Variants in PCDHGB5 observed in about 807,000 individuals in gnomAD.
PCDHGB5 encodes protocadherin gamma subfamily B, 5.
In PCDHGB5, 48 loss-of-function variants were observed where a neutral mutation model predicts 62.9. The observed-to-expected ratio is 0.76, with a 90% CI of 0.61 to 0.97. PCDHGB5 has a LOEUF of 0.97. Ranked by LOEUF, PCDHGB5 falls within the 50% of genes least tolerant of loss-of-function variation. The probability of loss-of-function intolerance (pLI) is 0.00; values close to 1 mark genes in which losing one functional copy is unlikely to be tolerated. For synonymous variants in PCDHGB5, 474 were observed against 511.2 expected, an observed-to-expected ratio of 0.93 and a Z score of 0.98; for missense variants, 1,118 against 1,198.6, an observed-to-expected ratio of 0.93 and a Z score of 0.99.
intron 1 of PCDHGB5, chr5:141,411,407 A>G (rs2154543610): frequency 6.6e-6 from 1 of 151,868 alleles, no homozygotes; most frequent in East Asian, 1.9e-4. Context: ...CCCCATCTCT[A>G]CTAAAACAAC....
intron 2 of PCDHGB5, among the ~76,000 whole-genome samples, chr5:141,500,901 G>A (rs984072329): frequency 7.6e-5 from 11 of 144,582 alleles, no homozygotes; most frequent in African/African-American, 2.6e-4. Flanking sequence ...AGACAGTCTC[G>A]CTCTGTCTCC....
intron 1 of PCDHGB5, among the ~76,000 whole-genome samples, chr5:141,458,275 G>A (rs975142859): frequency 2.6e-5 from 4 of 152,142 alleles, no homozygotes; most frequent in Non-Finnish European, 5.9e-5. Flanking sequence ...GAACAACAGG[G>A]TTCCTGGTCC....
At chr5:141,409,840 G>A (rs1361942011) in intron 1 of PCDHGB5, 3 of 1,611,558 alleles carry the variant, frequency 1.9e-6, no homozygotes, top group African/African-American at 1.3e-5. Flanking sequence ...GCGCCAACGT[G>A]AGCCTGCGCG....
At chr5:141,481,024 C>CTGGA (rs1200299352) in intron 1 of PCDHGB5, among the ~76,000 whole-genome samples, 3 of 152,122 alleles carry the variant, frequency 2.0e-5, no homozygotes, top group Admixed American at 1.3e-4. Flanking sequence ...CACCACTGCA[C>CTGGA]TCCAGCCTGG....
In PCDHGB5 at chr5:141,485,818, C is replaced by T; in HGVS notation, c.2398-8989C>T. 6 of 1,613,912 alleles carry T rather than the reference C, an allele frequency of 3.7e-6. No homozygotes were observed. The highest frequency in any genetic ancestry group is 5.1e-6 in the Non-Finnish European group (6 of 1,179,974). On this transcript the variant is annotated intron_variant, in intron 1 of 3. Transcript: ENST00000617380. This position sits in a 1 kb window ranked among gnomAD's most constrained non-coding sequence, Gnocchi z 5.7. ...ACTACCGCCTGGTGCTGACTGCTGTCGATGGAGGGAACCCGCCGAGATCTG... is the reference window on the plus strand; with the variant it reads ...ACTACCGCCTGGTGCTGACTGCTGTTGATGGAGGGAACCCGCCGAGATCTG...
At chr5:141,428,174 G>A (rs962782246) in intron 1 of PCDHGB5, 3 of 1,515,246 alleles carry the variant, frequency 2.0e-6, no homozygotes, top group Non-Finnish European at 2.7e-6. Context: ...TGTGCGTGAC[G>A]GAGGACAGCC....
At chr5:141,414,888 C>T (rs1452402953) in intron 1 of PCDHGB5, 2 of 1,614,210 alleles carry the variant, frequency 1.2e-6, no homozygotes, top group Non-Finnish European at 1.7e-6. Flanking sequence ...ACCCCGCCCT[C>T]CCCACAGACG....
intron 1 of PCDHGB5, among the ~76,000 whole-genome samples, chr5:141,449,041 C>T (rs998143732): frequency 3.3e-5 from 5 of 152,126 alleles, no homozygotes; most frequent in Admixed American, 3.3e-4. Flanking sequence ...GATTATTAAC[C>T]AGTCTCATAA....
In PCDHGB5 at chr5:141,511,296, A is replaced by C; in HGVS notation, c.*123A>C. 1 of 1,505,968 alleles carries C rather than the reference A, an allele frequency of 6.6e-7. No individual in the cohort carries two copies. The allele number at this position is 1,505,968 out of a possible 1,614,324, so 93.3% of individuals were successfully genotyped here. On this transcript the variant is annotated 3_prime_UTR_variant, in exon 4 of 4. Coordinates refer to ENST00000617380, the MANE Select transcript of PCDHGB5 (RefSeq NM_018925.3). ...CAGAATACTGGTAGGGGCCAAGGCCATGCTCCCCTTGGGAAACAGAAACAA... is the reference window on the plus strand; with the variant it reads ...CAGAATACTGGTAGGGGCCAAGGCCCTGCTCCCCTTGGGAAACAGAAACAA...
Position 141,409,135 on chromosome 5 carries a change from T to C in PCDHGB5, c.2397+8611T>C, listed in dbSNP as rs748247175. 3.1e-6 allele frequency: 5 copies of C among 1,614,026 alleles called. No homozygotes were observed. In the South Asian group the frequency reaches 3.3e-5, roughly 11 times the overall value. On this transcript the variant is annotated intron_variant, in intron 1 of 3. Coordinates refer to ENST00000617380, the MANE Select transcript of PCDHGB5 (RefSeq NM_018925.3). ...ATAACCAGTCATTTGATTTTGAAGA[T>C]GTAGAAAGGTACACCATGGAAGTGG...
In PCDHGB5 at chr5:141,503,243, C is replaced by T. The variant is rs146741382; in HGVS notation, c.2457-2150C>T. Among the ~76,000 whole-genome samples the T allele has an allele frequency of 3.1e-4, 47 of 152,198 alleles. No individual in the cohort carries two copies. The East Asian group carries it at 8.9e-3, about 29-fold the overall frequency. ...CACCGTAAAGATGGACAGTTTCTAT[C>T]ATACTCACAGCCACAACCCCAGCAC... On this transcript the variant is annotated intron_variant, in intron 2 of 3. Coordinates refer to ENST00000617380, the MANE Select transcript of PCDHGB5 (RefSeq NM_018925.3).
chr5:141,421,379 AGGACCTGGGGCT>A, intron 1 of PCDHGB5: 1 of 1,614,054 alleles, frequency 6.2e-7, no homozygotes, highest in South Asian at 1.1e-5. Context: ...AATATCTCCA[AGGACCTGGGGCT>A]GGAGCCCCGG....
intron 1 of PCDHGB5, chr5:141,411,352 C>T (rs1002274073): frequency 2.6e-5 from 4 of 152,176 alleles, no homozygotes; most frequent in African/African-American, 9.7e-5. Flanking sequence ...GAAAGTATCA[C>T]TTGAGCCCAA....
At chr5:141,469,233 C>T (rs2099194657) in intron 1 of PCDHGB5, among the ~76,000 whole-genome samples, 1 of 149,878 alleles carries the variant, frequency 6.7e-6, no homozygotes, top group African/African-American at 2.5e-5. Context: ...GCCATGATCA[C>T]CCCACTGCAC....
chr5:141,433,256 C>T, intron 1 of PCDHGB5: 2 of 1,385,666 alleles, frequency 1.4e-6, no homozygotes, highest in Non-Finnish European at 2.0e-6. Context: ...TGCAGCGGTA[C>T]GATCATAGCT....
intron 1 of PCDHGB5, chr5:141,426,985 A>G (rs534298238): frequency 7.7e-5 from 35 of 456,646 alleles, no homozygotes; most frequent in Non-Finnish European, 1.3e-4. Context: ...ACTGATGCCA[A>G]CGATAATGCC....
In PCDHGB5 at chr5:141,476,040, G is replaced by A; in HGVS notation, c.2398-18767G>A. 2.0e-6 allele frequency: 3 copies of A among 1,488,704 alleles called. No individual in the cohort carries two copies. Among genetic ancestry groups the A allele is most frequent in the Admixed American group, 2.2e-5 (1 of 44,984 alleles). 92.2% of individuals were successfully genotyped at this position (1,488,704 alleles called of 1,614,324 possible). On this transcript the variant is annotated intron_variant, in intron 1 of 3. Coordinates refer to ENST00000617380, the MANE Select transcript of PCDHGB5 (RefSeq NM_018925.3). The surrounding 1 kb of genome is among the most constrained non-coding windows in gnomAD (Gnocchi z 7.6). The stretch of plus-strand genomic sequence containing the variant: ...CGGACTCGGCGCCCAGCGCCCAAGC[G>A]CTAACCCGCTGAAAGTTTCTCAGCG...
Position 141,489,730 on chromosome 5 carries a change from A to G in PCDHGB5, c.2398-5077A>G. The stretch of plus-strand genomic sequence containing the variant: ...CAGTGCCCAGGATCCGGATGTGGGC[A>G]CCAATACTGTGAGCTTTTACACTCT... On this transcript the variant is annotated intron_variant, in intron 1 of 3. Coordinates refer to ENST00000617380, the MANE Select transcript of PCDHGB5 (RefSeq NM_018925.3). This position sits in a 1 kb window ranked among gnomAD's most constrained non-coding sequence, Gnocchi z 4.5. 6.2e-7 allele frequency: 1 copy of G among 1,614,182 alleles called. No homozygotes were observed. Among genetic ancestry groups the G allele is most frequent in the Non-Finnish European group, 8.5e-7 (1 of 1,180,020 alleles).
At chr5:141,482,611 G>A (rs1016481108) in intron 1 of PCDHGB5, among the ~76,000 whole-genome samples, 3 of 150,398 alleles carry the variant, frequency 2.0e-5, no homozygotes, top group African/African-American at 7.4e-5. Context: ...ACACCTAAAT[G>A]AGCCTGGAGA....
Sources: gnomAD v4.1 joint callset for allele counts (sites outside exome capture counted in the v4.1 genomes callset) on GRCh38, gnomAD v4.1.1 for gene constraint, Gnocchi (gnomAD v3.1) non-coding constraint, MANE v1.5 for transcripts, NCBI Gene and HGNC (gene_info 2026-07-23, HGNC 2026-07-21) for gene names.